WNK2: variants seen among roughly 807,000 people sequenced by gnomAD.
The protein encoded by WNK2 is WNK lysine deficient protein kinase 2, also known as serine/threonine-protein kinase WNK2.
In WNK2, 67 loss-of-function variants were observed where a neutral mutation model predicts 192.1. The observed-to-expected ratio is 0.35, with a 90% CI of 0.29 to 0.43. The LOEUF is 0.43. WNK2 is among the 20% of genes least tolerant of loss of function. The probability of loss-of-function intolerance (pLI) is 1.00; values close to 1 mark genes in which losing one functional copy is unlikely to be tolerated. For missense variants in WNK2, 2,698 were observed against 3,089.7 expected, an observed-to-expected ratio of 0.87 and a Z score of 3.01; for synonymous variants, 1,439 against 1,393.9, an observed-to-expected ratio of 1.03 and a Z score of -0.72.
intron 2 of WNK2, among the ~76,000 whole-genome samples, chr9:93,205,155 C>T (rs1303446644): frequency 6.6e-6 from 1 of 152,174 alleles, no homozygotes; most frequent in African/African-American, 2.4e-5. Context: ...ACTACCTCCT[C>T]CTCACCCCTT....
At chr9:93,319,497 C>T in intron 29 of WNK2, 1 of 739,526 alleles carries the variant, frequency 1.4e-6, no homozygotes, top group South Asian at 6.1e-5. Context: ...GGGCTGCCCA[C>T]CACTCTGCAC....
chr9:93,300,252 T>G, intron 26 of WNK2, 103 bp downstream of exon 26: 1 of 881,554 alleles, frequency 1.1e-6, no homozygotes, highest in Non-Finnish European at 1.7e-6. Context: ...ATAGGATGCC[T>G]CCCCCACCCC....
intron 2 of WNK2, among the ~76,000 whole-genome samples, chr9:93,220,008 C>T (rs1259922506): frequency 1.3e-5 from 2 of 152,202 alleles, no homozygotes; most frequent in Non-Finnish European, 2.9e-5. Context: ...ATCCTCTCTT[C>T]CTCCAGGACA....
At chr9:93,255,863 T>C (rs1240742361) in intron 9 of WNK2, among the ~76,000 whole-genome samples, 3 of 152,210 alleles carry the variant, frequency 2.0e-5, no homozygotes, top group African/African-American at 7.2e-5. Context: ...TTGAGGTCTG[T>C]GTTCACTCCG....
intron 12 of WNK2, among the ~76,000 whole-genome samples, chr9:93,260,128 C>T (rs1021570210): frequency 6.6e-6 from 1 of 152,180 alleles, no homozygotes; most frequent in South Asian, 2.1e-4. Context: ...GGGGCCATGT[C>T]CTGATGTCAG....
At chr9:93,290,782 C>CT (rs1274432492) in intron 21 of WNK2, among the ~76,000 whole-genome samples, 1 of 152,252 alleles carries the variant, frequency 6.6e-6, no homozygotes, top group Non-Finnish European at 1.5e-5. Flanking sequence ...TGCTGTGGGG[C>CT]TTTCCCTTGT....
At chr9:93,263,226 C>A in intron 14 of WNK2, 2 of 438,318 alleles carry the variant, frequency 4.6e-6, no homozygotes, top group East Asian at 9.4e-5. Context: ...AACGGATTGG[C>A]CTCACAACAG....
chr9:93,234,845 G>A lies in WNK2; in HGVS notation c.1113G>A (p.Glu371=). Residue 371 remains glutamate (E), a synonymous_variant, in exon 5 of 30, where the codon GAG becomes GAA. Coordinates refer to ENST00000427277, the MANE Select transcript of WNK2 (RefSeq NM_006648.4). ...TCATGGCGCCCGAGATGTACGAGGA[G>A]CACTACGATGAGTCCGTGGACGTCT... ...PEFMAPEMYE[E]HYDESVDVYA... 1 of 1,614,186 alleles carries A rather than the reference G, an allele frequency of 6.2e-7. No individual in the cohort carries two copies. Among genetic ancestry groups the A allele is most frequent in the South Asian group, 1.1e-5 (1 of 91,076 alleles).
At position 93,261,953 on chromosome 9, in the gene WNK2, T is replaced by C. The variant is rs1473005878; in HGVS notation, c.3206T>C (p.Phe1069Ser). 1.9e-6 allele frequency: 3 copies of C among 1,611,454 alleles called. No individual in the cohort carries two copies. The highest frequency in any genetic ancestry group is 2.2e-5 in the East Asian group (1 of 44,860). ...LPAAPELLPQ[F>S]PSSLATVSAS... ...GCCGCCCCTGAGCTCCTGCCTCAGTTCCCCAGCTCCCTGGCCACGGTGTCT... is the reference window on the plus strand; with the variant it reads ...GCCGCCCCTGAGCTCCTGCCTCAGTCCCCCAGCTCCCTGGCCACGGTGTCT... Residue 1069 changes from phenylalanine (F) to serine (S), a missense_variant, in exon 13 of 30, where the codon TTC (phenylalanine) becomes TCC (serine). By Grantham distance (155) the Phe-to-Ser change is radical. This residue lies in a region of WNK2 where 893 missense variants were observed against 909.0 expected (regional missense o/e 0.98). Coordinates refer to ENST00000427277, the MANE Select transcript of WNK2 (RefSeq NM_006648.4).
chr9:93,319,039 T>C, intron 29 of WNK2: 1 of 1,560,928 alleles, frequency 6.4e-7, no homozygotes, highest in Non-Finnish European at 8.7e-7. Context: ...CGTAAGAGAT[T>C]TCTGTTCTCT....
intron 28 of WNK2, chr9:93,315,823 G>GTGTGTGTGTGTGTA (rs1021505499): frequency 1.4e-5 from 2 of 146,802 alleles, no homozygotes; most frequent in African/African-American, 5.2e-5. Context: ...GTGTGTGTGT[G>GTGTGTGTGTGTGTA]TATATAATGG....
At chr9:93,319,265 A>G in intron 29 of WNK2, 6 of 1,538,830 alleles carry the variant, frequency 3.9e-6, no homozygotes, top group Non-Finnish European at 4.4e-6. Context: ...CAAAGCAACC[A>G]GCCTCCTAGG....
intron 2 of WNK2, among the ~76,000 whole-genome samples, chr9:93,220,102 T>A (rs1251437367): frequency 6.6e-6 from 1 of 152,206 alleles, no homozygotes; most frequent in Non-Finnish European, 1.5e-5. Flanking sequence ...GCATAGGTCC[T>A]GTCTGCTTGA....
At chr9:93,272,263 A>G (rs370197913) in intron 19 of WNK2, among the ~76,000 whole-genome samples, 1 of 152,108 alleles carries the variant, frequency 6.6e-6, no homozygotes, top group Non-Finnish European at 1.5e-5. Context: ...CAATTGAAGT[A>G]AAAAAAAGAT....
chr9:93,292,283 A>G, intron 21 of WNK2, 25 bp from the exon 22 acceptor site: 5 of 1,612,630 alleles, frequency 3.1e-6, no homozygotes, highest in Non-Finnish European at 4.2e-6. Flanking sequence ...CTTCAGCCCC[A>G]GTAACGTTTC....
At chr9:93,289,692 G>A in intron 20 of WNK2, 72 bp downstream of exon 20, 2 of 1,383,026 alleles carry the variant, frequency 1.4e-6, no homozygotes. Flanking sequence ...GCCCGGGGGT[G>A]GGCAGGCATC....
intron 2 of WNK2, among the ~76,000 whole-genome samples, chr9:93,210,153 C>A (rs551123104): frequency 6.6e-6 from 1 of 152,244 alleles, no homozygotes; most frequent in Non-Finnish European, 1.5e-5. Context: ...CATGCACTGT[C>A]CCCACGTGAG....
intron 5 of WNK2, 52 bp downstream of exon 5, chr9:93,235,017 C>T (rs1839553653): frequency 3.1e-6 from 5 of 1,600,798 alleles, no homozygotes; most frequent in South Asian, 1.1e-5. Flanking sequence ...AGGCCTTGGG[C>T]CGTACCCTGG....
chr9:93,241,295 G>A (rs749017877), intron 7 of WNK2, among the ~76,000 whole-genome samples: 2 of 152,264 alleles, frequency 1.3e-5, no homozygotes, highest in Non-Finnish European at 2.9e-5. Context: ...CAGTGGGAAC[G>A]AGAGGCTAGG....
Sources: gnomAD v4.1 joint callset for allele counts (sites outside exome capture counted in the v4.1 genomes callset) on GRCh38, gnomAD v4.1.1 for gene constraint, gnomAD v4.1.1 regional missense constraint, MANE v1.5 for transcripts, NCBI Gene and HGNC (gene_info 2026-07-23, HGNC 2026-07-21) for gene names.